Variants in SMYD4 observed in about 807,000 individuals in gnomAD.
The protein encoded by SMYD4 is protein-lysine N-methyltransferase SMYD4.
SMYD4 carries 68 observed loss-of-function variants against 72.8 expected under a neutral mutation model. The observed-to-expected ratio is 0.93, with a 90% confidence interval of 0.77 to 1.14. SMYD4 has a LOEUF of 1.14. Ranked by LOEUF, SMYD4 falls within the 50% of genes most tolerant of loss-of-function variation. SMYD4 has a pLI of 0.00. For missense variants in SMYD4, 984 were observed against 1,003.7 expected, an observed-to-expected ratio of 0.98 and a Z score of 0.27; for synonymous variants, 407 against 388.6, an observed-to-expected ratio of 1.05 and a Z score of -0.56.
intron 4 of SMYD4, among the ~76,000 whole-genome samples, chr17:1,803,884 T>C (rs1909895694): frequency 8.6e-6 from 1 of 116,580 alleles, no homozygotes; most frequent in Admixed American, 8.2e-5. Context: ...CGAGTTCAGT[T>C]AGTTTTTTTT....
At chr17:1,809,366 GTTA>G (rs892395411) in intron 3 of SMYD4, among the ~76,000 whole-genome samples, 4 of 128,182 alleles carry the variant, frequency 3.1e-5, no homozygotes, top group African/African-American at 7.4e-5. Context: ...TATTATTATT[GTTA>G]TTATTATTAT....
intron 1 of SMYD4, among the ~76,000 whole-genome samples, chr17:1,828,297 G>A (rs896348861): frequency 6.6e-6 from 1 of 151,018 alleles, no homozygotes; most frequent in African/African-American, 2.4e-5. Flanking sequence ...GTTGCAGTGA[G>A]CTGAGATCAC....
chr17:1,799,114 C>G (rs1458664967), intron 5 of SMYD4, among the ~76,000 whole-genome samples: 2 of 150,990 alleles, frequency 1.3e-5, no homozygotes, highest in African/African-American at 4.9e-5. Flanking sequence ...AAAAAATTAG[C>G]CGGGCGTGGT....
intron 5 of SMYD4, among the ~76,000 whole-genome samples, chr17:1,788,576 T>C (rs1026528306): frequency 6.6e-6 from 1 of 150,878 alleles, no homozygotes; most frequent in Non-Finnish European, 1.5e-5. Context: ...AAATCCCGTC[T>C]CTACTAAAAA....
intron 5 of SMYD4, among the ~76,000 whole-genome samples, chr17:1,794,938 A>C (rs1909311524): frequency 6.6e-6 from 1 of 152,142 alleles, no homozygotes; most frequent in Admixed American, 6.5e-5. Context: ...TATCCCTCCG[A>C]ATTAAAATAC....
At chr17:1,804,400 C>G (rs1001973130) in intron 4 of SMYD4, 1 of 413,952 alleles carries the variant, frequency 2.4e-6, no homozygotes, top group Non-Finnish European at 4.6e-6. Context: ...TGGTCTTGAA[C>G]TCTTGACCTC....
chr17:1,810,393 TG>T (rs1910267941), intron 3 of SMYD4, among the ~76,000 whole-genome samples: 1 of 152,060 alleles, frequency 6.6e-6, no homozygotes, highest in Non-Finnish European at 1.5e-5. Flanking sequence ...AAAAATTAGC[TG>T]GGCGTGGTGC....
In SMYD4 at chr17:1,829,881, G is replaced by A. The variant is rs572886155; in HGVS notation, c.-168C>T. 6 of 398,478 alleles carry A rather than the reference G, an allele frequency of 1.5e-5. No individual in the cohort carries two copies. The highest frequency in any genetic ancestry group is 1.3e-4 in the South Asian group (1 of 7,710). 24.7% of individuals were successfully genotyped at this position (398,478 alleles called of 1,614,324 possible). ...GCACCGCGTCCGGCGTCCCGCGCCAGGCCTCGCTTGGGACCATGGGTGGGT... is the reference window on the plus strand; with the variant it reads ...GCACCGCGTCCGGCGTCCCGCGCCAAGCCTCGCTTGGGACCATGGGTGGGT... On this transcript the variant is annotated 5_prime_UTR_variant, in exon 1 of 11. Coordinates refer to ENST00000305513, the MANE Select transcript of SMYD4 (RefSeq NM_052928.3).
intron 8 of SMYD4, 31 bp downstream of exon 8, chr17:1,784,295 C>G (rs1398745783): frequency 6.2e-6 from 10 of 1,613,632 alleles, no homozygotes; most frequent in Non-Finnish European, 8.5e-6. Flanking sequence ...AGGGAAGGGG[C>G]TGGAGGACCA....
At chr17:1,828,431 C>G (rs1431343987) in intron 1 of SMYD4, among the ~76,000 whole-genome samples, 1 of 151,780 alleles carries the variant, frequency 6.6e-6, no homozygotes, top group Non-Finnish European at 1.5e-5. Flanking sequence ...GTCTTTTCCT[C>G]TAGTTTATAT....
intron 3 of SMYD4, among the ~76,000 whole-genome samples, chr17:1,809,381 ATTT>A (rs1016469554): frequency 2.9e-3 from 327 of 111,690 alleles, no homozygotes; most frequent in African/African-American, 8.0e-3. Flanking sequence ...TATTATTATT[ATTT>A]TTTTTTTTGA....
chr17:1,808,172 A>G (rs749008452), intron 3 of SMYD4, among the ~76,000 whole-genome samples: 2 of 152,182 alleles, frequency 1.3e-5, no homozygotes, highest in Admixed American at 1.3e-4. Context: ...ATATATACAC[A>G]TATTTACATA....
At chr17:1,823,214 CAAAAAAAAAAAAAAA>C (rs1340338313) in intron 2 of SMYD4, among the ~76,000 whole-genome samples, 1 of 135,776 alleles carries the variant, frequency 7.4e-6, no homozygotes, top group Non-Finnish European at 1.6e-5. Context: ...ACTAAAAATA[CAAAAAAAAAAAAAAA>C]GATAATAAAA....
At chr17:1,827,747 G>A in intron 2 of SMYD4, 114 bp downstream of exon 2, 1 of 1,353,220 alleles carries the variant, frequency 7.4e-7, no homozygotes, top group Non-Finnish European at 9.8e-7. Flanking sequence ...ACCAGCCTGG[G>A]AAACAAGCAA....
intron 5 of SMYD4, among the ~76,000 whole-genome samples, chr17:1,791,116 C>CAAA (rs56079708): frequency 0.32 from 27,554 of 85,448 alleles, 5,531 homozygotes; most frequent in Non-Finnish European, 0.45. Context: ...TGGCCCGTCT[C>CAAA]AAAAAAAAAA....
At chr17:1,806,210 T>C (rs1910028702) in intron 3 of SMYD4, among the ~76,000 whole-genome samples, 1 of 152,006 alleles carries the variant, frequency 6.6e-6, no homozygotes, top group South Asian at 2.1e-4. Context: ...TTCTTTAATG[T>C]AAAAACAAAA....
intron 3 of SMYD4, among the ~76,000 whole-genome samples, chr17:1,807,019 T>C (rs1032772804): frequency 2.0e-5 from 3 of 151,892 alleles, no homozygotes; most frequent in Non-Finnish European, 4.4e-5. Context: ...GCCTCCCAAG[T>C]AGCTAGGGTT....
chr17:1,829,717 GA>G lies in SMYD4; in HGVS notation c.-13+8del, dbSNP rs1911427339. The G allele has an allele frequency of 5.9e-6, 1 of 170,614 alleles. No individual in the cohort carries two copies. 10.6% of individuals were successfully genotyped at this position (170,614 alleles called of 1,614,324 possible). On this transcript the variant is annotated splice_region_variant and intron_variant, in intron 1 of 10. Transcript: ENST00000305513. ...AAGGAACAGCTTTAACCTCCTCTGG[GA>G]TACCAACCCGTGCACTCGCCAGAGA... is the stretch of plus-strand genomic sequence containing the variant.
intron 3 of SMYD4, among the ~76,000 whole-genome samples, chr17:1,811,053 G>A (rs930622944): frequency 1.3e-5 from 2 of 152,244 alleles, no homozygotes; most frequent in African/African-American, 2.4e-5. Context: ...CTGTCCTTGC[G>A]ACAAGGTGGA....
Sources: allele counts gnomAD v4.1 joint callset (sites outside exome capture counted in the v4.1 genomes callset), GRCh38; gene constraint gnomAD v4.1.1; transcripts MANE v1.5; gene names NCBI Gene and HGNC (gene_info 2026-07-23, HGNC 2026-07-21).